BICC1: variants seen among roughly 807,000 people sequenced by gnomAD.
The protein encoded by BICC1 is protein bicaudal C homolog 1.
Under a neutral mutation model 111.0 loss-of-function variants are expected in BICC1, and 43 were observed. The ratio of observed to expected loss-of-function variants is 0.39; its 90% CI spans 0.30 to 0.50. The LOEUF is 0.50. Among genes scored for constraint, BICC1 ranks in the 20% least tolerant of loss-of-function variants. BICC1 has a pLI of 0.88. For synonymous variants in BICC1, 467 were observed against 434.4 expected, an observed-to-expected ratio of 1.07 and a Z score of -0.93; for missense variants, 1,091 against 1,203.2, an observed-to-expected ratio of 0.91 and a Z score of 1.38.
chr10:58,666,598 T>G (rs935686824), intron 2 of BICC1, among the ~76,000 whole-genome samples: 2 of 152,148 alleles, frequency 1.3e-5, no homozygotes, highest in Admixed American at 6.6e-5. Context: ...GTGCTTGGAT[T>G]TTTCATTCAA....
At chr10:58,755,277 C>T (rs1469686291) in intron 3 of BICC1, among the ~76,000 whole-genome samples, 1 of 152,162 alleles carries the variant, frequency 6.6e-6, no homozygotes, top group Non-Finnish European at 1.5e-5. Flanking sequence ...AGTGTCTAGC[C>T]TGCTTTCTAT....
At chr10:58,671,470 T>A (rs1046522399) in intron 2 of BICC1, among the ~76,000 whole-genome samples, 2 of 152,128 alleles carry the variant, frequency 1.3e-5, no homozygotes, top group Non-Finnish European at 2.9e-5. Flanking sequence ...AGCTGAATGA[T>A]GAGATTTCTT....
At chr10:58,743,678 TA>T (rs1029219312) in intron 3 of BICC1, among the ~76,000 whole-genome samples, 1 of 152,016 alleles carries the variant, frequency 6.6e-6, no homozygotes, top group African/African-American at 2.4e-5. Context: ...GGTTACCTGC[TA>T]GGCAGCAGAA....
chr10:58,584,683 T>G (rs1447659527), intron 1 of BICC1, among the ~76,000 whole-genome samples: 2 of 152,204 alleles, frequency 1.3e-5, no homozygotes, highest in African/African-American at 2.4e-5. Context: ...GCTGTTCCAG[T>G]TTGTCCAACA....
intron 2 of BICC1, among the ~76,000 whole-genome samples, chr10:58,691,258 A>C (rs551651518): frequency 5.3e-5 from 8 of 152,304 alleles, no homozygotes; most frequent in Admixed American, 2.0e-4. Flanking sequence ...TGTGTTGTCC[A>C]AATTATACAC....
intron 1 of BICC1, among the ~76,000 whole-genome samples, chr10:58,522,603 G>T (rs1391870433): frequency 6.6e-6 from 1 of 152,040 alleles, no homozygotes; most frequent in African/African-American, 2.4e-5. Flanking sequence ...AGAGAAAGCA[G>T]GAAAGATCTA....
intron 1 of BICC1, among the ~76,000 whole-genome samples, chr10:58,583,705 T>C (rs1024528377): frequency 2.1e-4 from 32 of 152,100 alleles, no homozygotes; most frequent in African/African-American, 7.7e-4. Context: ...ATTTTTGTAG[T>C]TGCAAATTGT....
chr10:58,593,833 A>T (rs1017532019), intron 1 of BICC1, among the ~76,000 whole-genome samples: 5 of 151,786 alleles, frequency 3.3e-5, no homozygotes, highest in African/African-American at 1.2e-4. Flanking sequence ...AAGGATCACA[A>T]CTCCTTGCCA....
At position 58,829,591 on chromosome 10, in the gene BICC1, T is replaced by C. The variant is rs1844500740; in HGVS notation, c.*700T>C. 1 of 152,210 alleles carries C rather than the reference T, an allele frequency of 6.6e-6. No individual in the cohort carries two copies. Among genetic ancestry groups the C allele is most frequent in the Admixed American group, 6.5e-5 (1 of 15,268 alleles). The allele number at this position is 152,210 out of a possible 1,614,324, so 9.4% of individuals were successfully genotyped here. On this transcript the variant is annotated 3_prime_UTR_variant, in exon 21 of 21. Coordinates refer to ENST00000373886, the MANE Select transcript of BICC1 (RefSeq NM_001080512.3). ...GTGAGTCCACTTGCTTCTGGACCAA[T>C]TCTGTTTCATGTATGTTAGCATCCT...
At chr10:58,573,735 G>A (rs1460727035) in intron 1 of BICC1, among the ~76,000 whole-genome samples, 1 of 152,132 alleles carries the variant, frequency 6.6e-6, no homozygotes, top group African/African-American at 2.4e-5. Flanking sequence ...TACTCTAACA[G>A]ATCTGTGCAT....
intron 2 of BICC1, among the ~76,000 whole-genome samples, chr10:58,685,500 C>CTT (rs1417251098): frequency 3.3e-5 from 5 of 152,144 alleles, no homozygotes; most frequent in African/African-American, 1.2e-4. Flanking sequence ...TTGTGGGAGT[C>CTT]TAAGTCTCTT....
chr10:58,606,790 T>C (rs890349940), intron 1 of BICC1, among the ~76,000 whole-genome samples: 3 of 152,218 alleles, frequency 2.0e-5, no homozygotes, highest in Non-Finnish European at 4.4e-5. Flanking sequence ...GCTCTACTAA[T>C]ATGGAACCTT....
chr10:58,691,362 C>A (rs369051870), intron 2 of BICC1, among the ~76,000 whole-genome samples: 2 of 152,252 alleles, frequency 1.3e-5, no homozygotes, highest in Admixed American at 1.3e-4. Flanking sequence ...GAAGATCTGG[C>A]TAATATTTCT....
intron 2 of BICC1, among the ~76,000 whole-genome samples, chr10:58,670,094 T>A (rs1839136742): frequency 2.0e-5 from 3 of 152,178 alleles, no homozygotes; most frequent in Admixed American, 2.0e-4. Flanking sequence ...TAATTTTGCA[T>A]GGAATACCAG....
At chr10:58,716,543 T>G (rs1840747213) in intron 3 of BICC1, among the ~76,000 whole-genome samples, 1 of 152,212 alleles carries the variant, frequency 6.6e-6, no homozygotes, top group African/African-American at 2.4e-5. Context: ...TACTAGTGGT[T>G]AAGATATTTG....
intron 2 of BICC1, among the ~76,000 whole-genome samples, chr10:58,661,060 T>C (rs1002060604): frequency 7.2e-5 from 11 of 152,156 alleles, no homozygotes; most frequent in Non-Finnish European, 1.6e-4. Flanking sequence ...TATTCGAATG[T>C]TTTCATTTCC....
chr10:58,825,983 C>G (rs374677134), intron 20 of BICC1, among the ~76,000 whole-genome samples: 1 of 150,690 alleles, frequency 6.6e-6, no homozygotes, highest in Non-Finnish European at 1.5e-5. Flanking sequence ...AGCATAACAA[C>G]TATTGTTTAA....
chr10:58,559,009 T>C (rs966335002), intron 1 of BICC1, among the ~76,000 whole-genome samples: 1 of 151,884 alleles, frequency 6.6e-6, no homozygotes, highest in Non-Finnish European at 1.5e-5. Flanking sequence ...GATACAAATA[T>C]TCAAACCATA....
At chr10:58,684,927 G>T (rs561747991) in intron 2 of BICC1, among the ~76,000 whole-genome samples, 1 of 152,126 alleles carries the variant, frequency 6.6e-6, no homozygotes, top group East Asian at 1.9e-4. Flanking sequence ...GAATGTGTTT[G>T]TTCTTGCTTC....
Sources: allele counts gnomAD v4.1 joint callset (sites outside exome capture counted in the v4.1 genomes callset), GRCh38; gene constraint gnomAD v4.1.1; transcripts MANE v1.5; gene names NCBI Gene and HGNC (gene_info 2026-07-23, HGNC 2026-07-21).